SEC61A2: variants seen among roughly 807,000 people sequenced by gnomAD.
SEC61A2 encodes the protein protein transport protein Sec61 subunit alpha isoform 2.
SEC61A2 carries 28 observed loss-of-function variants against 59.9 expected under a neutral mutation model. That is an observed-to-expected ratio of 0.47 (90% confidence interval 0.35 to 0.64). SEC61A2 has a LOEUF of 0.64. Among genes scored for constraint, SEC61A2 ranks in the 30% least tolerant of loss-of-function variants. The pLI is 0.01. For missense variants in SEC61A2, 340 were observed against 585.9 expected (o/e 0.58, Z 4.33); for synonymous variants, 202 against 214.4 (o/e 0.94, Z 0.50).
At position 12,161,814 on chromosome 10, in the gene SEC61A2, T is replaced by C. The variant is rs1834535294; in HGVS notation, c.1168-399T>C. On this transcript the variant is annotated intron_variant, in intron 10 of 11. Coordinates refer to ENST00000298428, the MANE Select transcript of SEC61A2 (RefSeq NM_018144.4). This position sits in a 1 kb window ranked among gnomAD's most constrained non-coding sequence, Gnocchi z 5.4. ...TAAAACTTTGTTTTTGGAAAATTCATATTTAATTGTCAAAACAGTAGTGGA... is the reference window on the plus strand; with the variant it reads ...TAAAACTTTGTTTTTGGAAAATTCACATTTAATTGTCAAAACAGTAGTGGA... Among the ~76,000 whole-genome samples the C allele has an allele frequency of 6.6e-6, 1 of 152,212 alleles. No homozygotes were observed. The highest frequency in any genetic ancestry group is 1.5e-5 in the Non-Finnish European group (1 of 68,038).
downstream of SEC61A2, chr10:12,169,363 G>C: frequency 1.3e-5 from 19 of 1,417,080 alleles, no homozygotes; most frequent in Non-Finnish European, 1.7e-5. This position sits in a 1 kb window ranked among gnomAD's most constrained non-coding sequence, Gnocchi z 4.8. Context: ...ACTTGCCTAC[G>C]TCACCCTGCT....
chr10:12,133,322 T>C lies in SEC61A2; in HGVS notation c.75+14T>C, dbSNP rs374404206. On this transcript the variant is annotated intron_variant, in intron 2 of 11. Coordinates refer to ENST00000298428, the MANE Select transcript of SEC61A2 (RefSeq NM_018144.4). Reference sequence around the variant, plus strand: ...CCGGAAAGGAAAGTAAGTATAATATTTTAGTAATATAGAGGGTAGCTCAAG... The same window carrying C: ...CCGGAAAGGAAAGTAAGTATAATATCTTAGTAATATAGAGGGTAGCTCAAG... 3 of 1,378,960 alleles carry C rather than the reference T, an allele frequency of 2.2e-6. No homozygotes were observed. Among genetic ancestry groups the C allele is most frequent in the Non-Finnish European group, 3.1e-6 (3 of 970,770 alleles). 85.4% of individuals were successfully genotyped at this position (1,378,960 alleles called of 1,614,324 possible).
rs748944849 is a variant in SEC61A2 at position 12,162,610 on chromosome 10, G to A, written c.1244+321G>A. Among the ~76,000 whole-genome samples, 4 of 152,200 alleles carry A rather than the reference G, an allele frequency of 2.6e-5. No homozygotes were observed. Among genetic ancestry groups the A allele is most frequent in the Non-Finnish European group, 5.9e-5 (4 of 68,028 alleles). On this transcript the variant is annotated intron_variant, in intron 11 of 11. Coordinates refer to ENST00000298428, the MANE Select transcript of SEC61A2 (RefSeq NM_018144.4). This position sits in a 1 kb window ranked among gnomAD's most constrained non-coding sequence, Gnocchi z 6.1. Reference sequence around the variant, plus strand: ...GGAACTGTGGCTTATTTGGTCTGGGGTGAGTTCCAGGCATCAGGGTTTTAT... The same window carrying A: ...GGAACTGTGGCTTATTTGGTCTGGGATGAGTTCCAGGCATCAGGGTTTTAT...
chr10:12,165,276 T>C lies in SEC61A2; in HGVS notation c.*822T>C. The C allele has an allele frequency of 1.0e-6, 1 of 985,456 alleles. No homozygotes were observed. The highest frequency in any genetic ancestry group is 1.2e-6 in the Non-Finnish European group (1 of 829,942). The allele number at this position is 985,456 out of a possible 1,614,324, so 61.0% of individuals were successfully genotyped here. ...GTTCAGTGGGGGTGAACAATGAATA[T>C]ATTCATGCTAGGAATTTGTGTCTGT... On this transcript the variant is annotated 3_prime_UTR_variant, in exon 12 of 12. Transcript: ENST00000298428.
In SEC61A2 at chr10:12,149,822, G is replaced by A. The variant is rs200844462; in HGVS notation, c.353-30G>A. 1.2e-5 allele frequency: 20 copies of A among 1,609,754 alleles called. No individual in the cohort carries two copies. The highest frequency in any genetic ancestry group is 3.3e-5 in the South Asian group (3 of 90,832). ...TCTTTTCTTGTCTTTGGTGGTAAGC[G>A]TGCTCTCCTTTCCCCCCAACTTTCA... On this transcript the variant is annotated intron_variant, in intron 5 of 11. Coordinates refer to ENST00000298428, the MANE Select transcript of SEC61A2 (RefSeq NM_018144.4). This position sits in a 1 kb window ranked among gnomAD's most constrained non-coding sequence, Gnocchi z 5.2.
intron 3 of SEC61A2, among the ~76,000 whole-genome samples, chr10:12,139,074 A>T (rs904910364): frequency 6.6e-6 from 1 of 151,950 alleles, no homozygotes; most frequent in South Asian, 2.1e-4. Flanking sequence ...CGATTCTCCT[A>T]TCTCAGCCTC....
At chr10:12,144,791 C>T (rs1834101613) in intron 4 of SEC61A2, among the ~76,000 whole-genome samples, 1 of 152,176 alleles carries the variant, frequency 6.6e-6, no homozygotes, top group African/African-American at 2.4e-5. Context: ...GGGCTCATGC[C>T]TGTGATCCCA....
rs958767902 is a variant in SEC61A2, at chr10:12,154,161, G to A, written c.463-1617G>A. Among the ~76,000 whole-genome samples, 5 of 152,156 alleles carry A rather than the reference G, an allele frequency of 3.3e-5. No individual in the cohort carries two copies. The highest frequency in any genetic ancestry group is 6.5e-5 in the Admixed American group (1 of 15,268). Reference sequence around the variant, plus strand: ...GGGTTCTGGTCCCATCACTGTAGACGCTGCTGTCACTTCCTGGGTTCTCAT... The same window carrying A: ...GGGTTCTGGTCCCATCACTGTAGACACTGCTGTCACTTCCTGGGTTCTCAT... On this transcript the variant is annotated intron_variant, in intron 6 of 11. Coordinates refer to ENST00000298428, the MANE Select transcript of SEC61A2 (RefSeq NM_018144.4). This position sits in a 1 kb window ranked among gnomAD's most constrained non-coding sequence, Gnocchi z 5.2.
In SEC61A2 at chr10:12,156,282, A is replaced by G. The variant is rs1398908155; in HGVS notation, c.616+351A>G. Among the ~76,000 whole-genome samples, 1 of 152,354 alleles carries G rather than the reference A, an allele frequency of 6.6e-6. No individual in the cohort carries two copies. The highest frequency in any genetic ancestry group is 2.4e-5 in the African/African-American group (1 of 41,582). On this transcript the variant is annotated intron_variant, in intron 7 of 11. Transcript: ENST00000298428. This position sits in a 1 kb window ranked among gnomAD's most constrained non-coding sequence, Gnocchi z 5.2. Reference sequence around the variant, plus strand: ...AAGGTAGTGGATTTTAGATTTTTCAAATGAAAAGACTGTTGTTCATTGAAT... The same window carrying G: ...AAGGTAGTGGATTTTAGATTTTTCAGATGAAAAGACTGTTGTTCATTGAAT...
At chr10:12,131,160 G>A (rs538760153) in intron 1 of SEC61A2, among the ~76,000 whole-genome samples, 1 of 152,298 alleles carries the variant, frequency 6.6e-6, no homozygotes, top group South Asian at 2.1e-4. Flanking sequence ...GCGATAGAGC[G>A]AAACTCCGTC....
At position 12,156,608 on chromosome 10, in the gene SEC61A2, G is replaced by A. The variant is rs1241260842; in HGVS notation, c.617-299G>A. Among the ~76,000 whole-genome samples the A allele has an allele frequency of 1.3e-5, 2 of 152,190 alleles. No individual in the cohort carries two copies. Among genetic ancestry groups the A allele is most frequent in the Non-Finnish European group, 2.9e-5 (2 of 68,040 alleles). Reference sequence around the variant, plus strand: ...AAAAACACTCTCTCCCTTCCCTGAAGTAGAGGAGAGGCAAATCTCTATGAA... The same window carrying A: ...AAAAACACTCTCTCCCTTCCCTGAAATAGAGGAGAGGCAAATCTCTATGAA... On this transcript the variant is annotated intron_variant, in intron 7 of 11. Coordinates refer to ENST00000298428, the MANE Select transcript of SEC61A2 (RefSeq NM_018144.4). The surrounding 1 kb of genome is among the most constrained non-coding windows in gnomAD (Gnocchi z 5.2).
rs1445908376 is a variant in SEC61A2, at chr10:12,165,203, C to A, written c.*749C>A. On this transcript the variant is annotated 3_prime_UTR_variant, in exon 12 of 12. Transcript: ENST00000298428. Reference sequence around the variant, plus strand: ...CAAGATTCTGGGCCCCGATTCTTTTCTGTTTAAATCCCTAAAGCAAAGATC... The same window carrying A: ...CAAGATTCTGGGCCCCGATTCTTTTATGTTTAAATCCCTAAAGCAAAGATC... 1.0e-6 allele frequency: 1 copy of A among 985,234 alleles called. No individual in the cohort carries two copies. The highest frequency in any genetic ancestry group is 1.1e-4 in the East Asian group (1 of 8,834). 61.0% of individuals were successfully genotyped at this position (985,234 alleles called of 1,614,324 possible). A position where few individuals can be genotyped will look rare whatever the true frequency, so the allele number is the denominator to read the frequency against.
intron 2 of SEC61A2, among the ~76,000 whole-genome samples, chr10:12,134,703 C>A (rs1833844525): frequency 6.6e-6 from 1 of 151,694 alleles, no homozygotes; most frequent in African/African-American, 2.4e-5. Flanking sequence ...GAGGCAGGTG[C>A]TCAAGAGATG....
chr10:12,136,212 C>T (rs371137737), intron 3 of SEC61A2, 42 bp downstream of exon 3: 3 of 1,282,356 alleles, frequency 2.3e-6, no homozygotes, highest in Middle Eastern at 1.9e-4. Context: ...CACCATTGTT[C>T]TAAGGTTTTG....
chr10:12,132,642 G>A (rs1445739114), intron 1 of SEC61A2, among the ~76,000 whole-genome samples: 6 of 137,596 alleles, frequency 4.4e-5, no homozygotes, highest in Non-Finnish European at 5.0e-5. Flanking sequence ...TTAACTATAG[G>A]AGGTGATTCC....
Position 12,165,000 on chromosome 10 carries a change from T to A in SEC61A2, c.*546T>A. 3 of 962,442 alleles carry A rather than the reference T, an allele frequency of 3.1e-6. No individual in the cohort carries two copies. Among genetic ancestry groups the A allele is most frequent in the Non-Finnish European group, 3.6e-6 (3 of 825,620 alleles). 59.6% of individuals were successfully genotyped at this position (962,442 alleles called of 1,614,324 possible). A position where few individuals can be genotyped will look rare whatever the true frequency, so the allele number is the denominator to read the frequency against. ...AGCCACTTAGCCCACATGGGCGAAA[T>A]CAAGTCTCCAGTTATTTCTGCCACA... is the stretch of plus-strand genomic sequence containing the variant. On this transcript the variant is annotated 3_prime_UTR_variant, in exon 12 of 12. Transcript: ENST00000298428. This position sits in a 1 kb window ranked among gnomAD's most constrained non-coding sequence, Gnocchi z 7.3.
chr10:12,135,619 CT>C (rs1261734770), intron 2 of SEC61A2, among the ~76,000 whole-genome samples: 1 of 152,188 alleles, frequency 6.6e-6, no homozygotes, highest in East Asian at 1.9e-4. Context: ...CCTGCCACCC[CT>C]GTACCCTTCG....
chr10:12,168,057 C>T (rs1054387702), downstream of SEC61A2, among the ~76,000 whole-genome samples: 1 of 150,974 alleles, frequency 6.6e-6, no homozygotes, highest in African/African-American at 2.4e-5. The surrounding 1 kb of genome is among the most constrained non-coding windows in gnomAD (Gnocchi z 4.8). Context: ...GACAGTCTCG[C>T]TCTGTTGCCC....
Position 12,158,396 on chromosome 10 carries a change from C to A in SEC61A2, c.975+291C>A. ...TCATAAAAGTAATTTCCTATTTTGT[C>A]ATCTTATTCCAGTATTGTCTACAAT... On this transcript the variant is annotated intron_variant, in intron 9 of 11. Coordinates refer to ENST00000298428, the MANE Select transcript of SEC61A2 (RefSeq NM_018144.4). The surrounding 1 kb of genome is among the most constrained non-coding windows in gnomAD (Gnocchi z 5.7). The A allele has an allele frequency of 2.8e-6, 1 of 358,652 alleles. No homozygotes were observed. The highest frequency in any genetic ancestry group is 5.2e-6 in the Non-Finnish European group (1 of 194,006). 22.2% of individuals were successfully genotyped at this position (358,652 alleles called of 1,614,324 possible).
Sources: allele counts gnomAD v4.1 joint callset (sites outside exome capture counted in the v4.1 genomes callset), GRCh38; gene constraint gnomAD v4.1.1; non-coding constraint Gnocchi (gnomAD v3.1); transcripts MANE v1.5; gene names NCBI Gene and HGNC (gene_info 2026-07-23, HGNC 2026-07-21).